STXBP5: variants seen among roughly 807,000 people sequenced by gnomAD.
STXBP5 encodes the protein syntaxin binding protein 5.
Under a neutral mutation model 152.4 loss-of-function variants are expected in STXBP5, and 50 were observed. The ratio of observed to expected loss-of-function variants is 0.33; its 90% CI spans 0.26 to 0.42. The LOEUF is 0.42. Among genes scored for constraint, STXBP5 ranks in the 10% least tolerant of loss-of-function variants. The pLI is 1.00. For synonymous variants in STXBP5, 492 were observed against 494.7 expected, an observed-to-expected ratio of 0.99 and a Z score of 0.07; for missense variants, 1,167 against 1,388.6, an observed-to-expected ratio of 0.84 and a Z score of 2.54.
chr6:147,303,148 G>T (rs754802747), intron 9 of STXBP5, among the ~76,000 whole-genome samples: 1 of 151,934 alleles, frequency 6.6e-6, no homozygotes, highest in African/African-American at 2.4e-5. Context: ...TTTTTGTTTT[G>T]TCAATTTAGT....
At chr6:147,287,089 A>G (rs1222326920) in intron 8 of STXBP5, among the ~76,000 whole-genome samples, 2 of 151,566 alleles carry the variant, frequency 1.3e-5, no homozygotes, top group Middle Eastern at 6.3e-3. Flanking sequence ...ACAGGCATAC[A>G]GTGTGAAATA....
chr6:147,304,152 C>T (rs1050187323), intron 9 of STXBP5, among the ~76,000 whole-genome samples: 8 of 152,182 alleles, frequency 5.3e-5, no homozygotes, highest in African/African-American at 1.9e-4. Flanking sequence ...ACCTTCACAG[C>T]AGTCCCTTCC....
intron 4 of STXBP5, among the ~76,000 whole-genome samples, chr6:147,259,187 A>G (rs1428893791): frequency 6.6e-6 from 1 of 152,136 alleles, no homozygotes; most frequent in African/African-American, 2.4e-5. Context: ...ATGAATGTTT[A>G]AGTTTCTTGT....
intron 12 of STXBP5, 78 bp downstream of exon 12, chr6:147,314,109 C>A (rs1285074146): frequency 6.7e-7 from 1 of 1,499,118 alleles, no homozygotes; most frequent in Non-Finnish European, 9.1e-7. Context: ...TATTTGATAA[C>A]ATTATACCTT....
intron 5 of STXBP5, among the ~76,000 whole-genome samples, chr6:147,261,503 C>G (rs1273764914): frequency 6.6e-6 from 1 of 151,972 alleles, no homozygotes; most frequent in Non-Finnish European, 1.5e-5. Flanking sequence ...TTGTTGCATT[C>G]CATGGTATTT....
At chr6:147,274,524 A>G (rs1380705905) in intron 7 of STXBP5, among the ~76,000 whole-genome samples, 1 of 152,194 alleles carries the variant, frequency 6.6e-6, no homozygotes, top group African/African-American at 2.4e-5. Flanking sequence ...TCTATGGTGT[A>G]ACTATATTGA....
chr6:147,355,721 T>C (rs1464479205), intron 22 of STXBP5, among the ~76,000 whole-genome samples: 1 of 152,168 alleles, frequency 6.6e-6, no homozygotes, highest in East Asian at 1.9e-4. Flanking sequence ...ATACTACTTT[T>C]CAAGGTAGTT....
intron 21 of STXBP5, among the ~76,000 whole-genome samples, chr6:147,346,904 G>T (rs928816051): frequency 3.9e-5 from 6 of 152,164 alleles, no homozygotes; most frequent in African/African-American, 1.4e-4. Flanking sequence ...AGAAAATGGA[G>T]ATACATGAGG....
chr6:147,269,454 C>T (rs1164012110), intron 7 of STXBP5, among the ~76,000 whole-genome samples: 3 of 152,122 alleles, frequency 2.0e-5, no homozygotes, highest in African/African-American at 7.2e-5. Context: ...ATAAATTTTA[C>T]AATGTCTAGC....
intron 26 of STXBP5, 121 bp from the exon 27 acceptor site, chr6:147,382,657 T>C: frequency 2.0e-6 from 2 of 983,790 alleles, no homozygotes; most frequent in South Asian, 3.2e-5. Context: ...TATTTCACTT[T>C]ATAATTTTAT....
In STXBP5 at chr6:147,364,130, A is replaced by G. The variant is rs1785188989; in HGVS notation, c.3045A>G (p.Arg1015=). The G allele has an allele frequency of 2.5e-6, 4 of 1,613,622 alleles. No homozygotes were observed. The highest frequency in any genetic ancestry group is 1.3e-5 in the African/African-American group (1 of 75,048). ...LYLVSPTEIQ[R]LTYSQETCEN... ...TTGTTTCACCTACAGAAATCCAGAG[A>G]CTTACTTATAGTCAAGAGACCTGTG... Residue 1015 remains arginine (R), a synonymous_variant, in exon 25 of 28, where the codon AGA becomes AGG. Coordinates refer to ENST00000321680, the MANE Select transcript of STXBP5 (RefSeq NM_001127715.4).
intron 4 of STXBP5, among the ~76,000 whole-genome samples, chr6:147,245,918 G>C (rs75530140): frequency 6.6e-6 from 1 of 152,208 alleles, no homozygotes; most frequent in Non-Finnish European, 1.5e-5. Context: ...GCGCCCTGCT[G>C]ACACCTTCAT....
intron 4 of STXBP5, among the ~76,000 whole-genome samples, chr6:147,248,730 T>G (rs1562437221): frequency 6.6e-6 from 1 of 152,218 alleles, no homozygotes; most frequent in Non-Finnish European, 1.5e-5. Context: ...CACATAGCTA[T>G]TTCTTGTTAA....
chr6:147,254,255 A>C (rs1779245988), intron 4 of STXBP5, among the ~76,000 whole-genome samples: 1 of 152,208 alleles, frequency 6.6e-6, no homozygotes. Flanking sequence ...GAAAACTGAA[A>C]CTGGACCCCT....
intron 5 of STXBP5, 148 bp downstream of exon 5, chr6:147,260,897 A>G (rs1254624981): frequency 2.8e-6 from 3 of 1,074,856 alleles, no homozygotes; most frequent in Non-Finnish European, 3.9e-6. Context: ...GTTTTTTATG[A>G]GTAGTATTTT....
At chr6:147,272,743 A>G (rs1177440290) in intron 7 of STXBP5, among the ~76,000 whole-genome samples, 1 of 152,202 alleles carries the variant, frequency 6.6e-6, no homozygotes, top group Non-Finnish European at 1.5e-5. Flanking sequence ...CATTTCTAAT[A>G]TAATTCAAGT....
At chr6:147,371,739 A>C (rs535958908) in intron 25 of STXBP5, among the ~76,000 whole-genome samples, 1 of 152,194 alleles carries the variant, frequency 6.6e-6, no homozygotes, top group African/African-American at 2.4e-5. Flanking sequence ...GTAAAATTGT[A>C]AGCTCATTAA....
At chr6:147,361,803 G>T (rs1044826190) in intron 23 of STXBP5, among the ~76,000 whole-genome samples, 1 of 152,066 alleles carries the variant, frequency 6.6e-6, no homozygotes. Context: ...CTTTAAAGGC[G>T]GAAGGACTCT....
rs150370961 is a variant in STXBP5, at chr6:147,218,856, T to C, written c.248+12788T>C. Reference sequence around the variant, plus strand: ...TTGGTTGCAGGAGTTTTTCTGTTCATTCTTTCTGATAGCTGCATAGTTGAT... The same window carrying C: ...TTGGTTGCAGGAGTTTTTCTGTTCACTCTTTCTGATAGCTGCATAGTTGAT... On this transcript the variant is annotated intron_variant, in intron 2 of 27. Transcript: ENST00000321680. Among the ~76,000 whole-genome samples the C allele has an allele frequency of 7.2e-5, 11 of 152,342 alleles. No individual in the cohort carries two copies. In the East Asian group the frequency reaches 2.1e-3, roughly 29 times the overall value.
Sources: gnomAD v4.1 joint callset for allele counts (sites outside exome capture counted in the v4.1 genomes callset) on GRCh38, gnomAD v4.1.1 for gene constraint, MANE v1.5 for transcripts, NCBI Gene and HGNC (gene_info 2026-07-23, HGNC 2026-07-21) for gene names.